FBF1: variants seen among roughly 807,000 people sequenced by gnomAD.
FBF1 encodes Fas binding factor 1, also known as fas-binding factor 1.
In FBF1, 119 loss-of-function variants were observed where a neutral mutation model predicts 147.2. The observed-to-expected ratio is 0.81, with a 90% confidence interval of 0.70 to 0.94. FBF1 has a LOEUF of 0.94. Among genes scored for constraint, FBF1 ranks in the 40% least tolerant of loss-of-function variants. The pLI, the probability that FBF1 is intolerant of heterozygous loss-of-function variation, is 0.00. For missense variants in FBF1, 1,449 were observed against 1,500.8 expected (o/e 0.97, Z 0.57); for synonymous variants, 601 against 609.0 (o/e 0.99, Z 0.19).
In FBF1 at chr17:75,930,089, A is replaced by G. The variant is rs199577489; in HGVS notation, c.229-42T>C. ...GGTGAGGACACAGATGAGGAGGCAC[A>G]TTAGTCAAGGCCCAATAAAACTCAG... On this transcript the variant is annotated intron_variant, in intron 6 of 29. Transcript: ENST00000636174. The G allele has an allele frequency of 1.0e-5, 15 of 1,482,990 alleles. No homozygotes were observed. In the African/African-American group the frequency reaches 2.0e-4, roughly 19 times the overall value. 91.9% of individuals were successfully genotyped at this position (1,482,990 alleles called of 1,614,324 possible). A position where few individuals can be genotyped will look rare whatever the true frequency, so the allele number is the denominator to read the frequency against.
At chr17:75,931,382 C>T (rs902398274) in intron 5 of FBF1, 93 bp from the exon 6 acceptor site, 9 of 1,097,022 alleles carry the variant, frequency 8.2e-6, no homozygotes, top group Admixed American at 2.1e-5. Flanking sequence ...CAAGGAATCT[C>T]GGATAGGTCT....
chr17:75,913,134 T>C (rs2065465420), intron 28 of FBF1, among the ~76,000 whole-genome samples: 1 of 150,814 alleles, frequency 6.6e-6, no homozygotes, highest in African/African-American at 2.4e-5. Context: ...AGGAGTGGCG[T>C]TGAGGGTGAC....
intron 4 of FBF1, 44 bp from the exon 5 acceptor site, chr17:75,933,132 A>G: frequency 6.8e-7 from 1 of 1,471,062 alleles, no homozygotes. Context: ...AACTAAAGGT[A>G]CCTGGAGTCA....
rs1286047603 is a variant in FBF1 at position 75,938,253 on chromosome 17, G to A, written c.-83-21C>T. On this transcript the variant is annotated intron_variant, in intron 1 of 29. Transcript: ENST00000636174. ...ACTCCCTAATGAAGAAAATTAAAGT[G>A]GTTGCTTAAAAATGATGTAGCTTTG... 10 of 1,540,146 alleles carry A rather than the reference G, an allele frequency of 6.5e-6. No individual in the cohort carries two copies. In the East Asian group the frequency reaches 1.6e-4, roughly 25 times the overall value.
chr17:75,940,425 A>C (rs1056897021), intron 1 of FBF1, among the ~76,000 whole-genome samples: 1 of 151,032 alleles, frequency 6.6e-6, no homozygotes, highest in Admixed American at 6.6e-5. Context: ...GCAAATTTTA[A>C]AATTTTTTTT....
At position 75,917,798 on chromosome 17, in the gene FBF1, GC is replaced by G; in HGVS notation, c.2438del (p.Ser813ThrfsTer14). ...TCTTCCCGATGACCTCCTGTTGCCG[GC>G]TCCGCTCCTCCTCCATGTCCCGCTG... ...QQQRDMEEERSRQQEVIGKME... is the reference protein window; with the variant it reads ...QQQRDMEEERXRQQEVIGKME... On this transcript the variant is annotated frameshift_variant, in exon 23 of 30. Coordinates refer to ENST00000636174, the MANE Select transcript of FBF1 (RefSeq NM_001319193.2). LOFTEE classifies it high-confidence loss of function. 1 of 1,610,266 alleles carries G rather than the reference GC, an allele frequency of 6.2e-7. No homozygotes were observed. Among genetic ancestry groups the G allele is most frequent in the Non-Finnish European group, 8.5e-7 (1 of 1,179,092 alleles).
intron 29 of FBF1, among the ~76,000 whole-genome samples, chr17:75,911,375 GTGCCTTGCTC>G (rs1399274153): frequency 2.0e-5 from 3 of 152,196 alleles, no homozygotes; most frequent in Non-Finnish European, 1.5e-5. Flanking sequence ...TTTGAGACAA[GTGCCTTGCTC>G]TGTCACCCAA....
chr17:75,925,308 C>G lies in FBF1; in HGVS notation c.968+39G>C, dbSNP rs1049256690. 2 of 1,550,590 alleles carry G rather than the reference C, an allele frequency of 1.3e-6. No individual in the cohort carries two copies. Among genetic ancestry groups the G allele is most frequent in the Non-Finnish European group, 1.8e-6 (2 of 1,132,478 alleles). Reference sequence around the variant, plus strand: ...GGGGCCTGTCTTCCCAGTGGCCGACCTGTCTCAAGAGGCCAAGCCTCCTGC... The same window carrying G: ...GGGGCCTGTCTTCCCAGTGGCCGACGTGTCTCAAGAGGCCAAGCCTCCTGC... On this transcript the variant is annotated intron_variant, in intron 13 of 29. Coordinates refer to ENST00000636174, the MANE Select transcript of FBF1 (RefSeq NM_001319193.2). The surrounding 1 kb of genome is among the most constrained non-coding windows in gnomAD (Gnocchi z 5.0).
Position 75,920,251 on chromosome 17 carries a change from C to T in FBF1, c.1830+23G>A, listed in dbSNP as rs540656242. On this transcript the variant is annotated intron_variant, in intron 18 of 29. Transcript: ENST00000636174. ...TCCTGTCGCAACCCTGCCACCAGCA[C>T]CAACGGCCCCGCTGCCCCTCACCTG... The T allele has an allele frequency of 5.0e-6, 8 of 1,602,716 alleles. No individual in the cohort carries two copies. In the South Asian group the frequency reaches 6.7e-5, roughly 13 times the overall value.
Position 75,919,828 on chromosome 17 carries a change from G to A in FBF1, c.1978C>T (p.Arg660Trp), listed in dbSNP as rs528278541. ...LETSYQQREE[R>W]LRRENEELSA... ...AGCTCTTCGTTCTCTCTCCGGAGCC[G>A]CTCCTCCCGTTGCTGGTACGATGTT... Residue 660 changes from arginine (R) to tryptophan (W), a missense_variant, in exon 20 of 30, where the codon CGG (arginine) becomes TGG (tryptophan). Transcript: ENST00000636174. This position sits in a 1 kb window ranked among gnomAD's most constrained non-coding sequence, Gnocchi z 5.0. The A allele has an allele frequency of 2.8e-5, 45 of 1,613,808 alleles. No individual in the cohort carries two copies. Among genetic ancestry groups the A allele is most frequent in the African/African-American group, 6.7e-5 (5 of 75,058 alleles).
chr17:75,915,773 C>T (rs1309522596), intron 23 of FBF1, among the ~76,000 whole-genome samples: 1 of 152,130 alleles, frequency 6.6e-6, no homozygotes, highest in Non-Finnish European at 1.5e-5. Context: ...CTTTGGGAGG[C>T]TGAGACGGGT....
At chr17:75,929,945 A>AGGGGGGGCC in intron 7 of FBF1, 52 bp downstream of exon 7, 2 of 650,908 alleles carry the variant, frequency 3.1e-6, no homozygotes, top group Non-Finnish European at 5.6e-6. Context: ...AAATATCATG[A>AGGGGGGGCC]CCCCACCCCA....
In FBF1 at chr17:75,912,324, G is replaced by A; in HGVS notation, c.3248-17C>T. On this transcript the variant is annotated splice_polypyrimidine_tract_variant and intron_variant, in intron 28 of 29. Coordinates refer to ENST00000636174, the MANE Select transcript of FBF1 (RefSeq NM_001319193.2). ...GCATGAGGGCTGAAAAGGCCAAGGAGGAAGTCAGGGACCAAAGTGTTGGTG... is the reference window on the plus strand; with the variant it reads ...GCATGAGGGCTGAAAAGGCCAAGGAAGAAGTCAGGGACCAAAGTGTTGGTG... 1 of 1,550,106 alleles carries A rather than the reference G, an allele frequency of 6.5e-7. No homozygotes were observed. The highest frequency in any genetic ancestry group is 2.3e-5 in the East Asian group (1 of 43,430).
At chr17:75,935,833 G>A (rs1202743166) in intron 3 of FBF1, among the ~76,000 whole-genome samples, 160 bp from the exon 4 acceptor site, 1 of 152,142 alleles carries the variant, frequency 6.6e-6, no homozygotes. Context: ...ACAAGTTTCT[G>A]GCAACAAGTC....
rs747777671 is a variant in FBF1, at chr17:75,938,039, G to A, written c.3+108C>T. 5.3e-6 allele frequency: 8 copies of A among 1,521,840 alleles called. No homozygotes were observed. In the African/African-American group the frequency reaches 9.6e-5, roughly 18 times the overall value. 94.3% of individuals were successfully genotyped at this position (1,521,840 alleles called of 1,614,324 possible). A position where few individuals can be genotyped will look rare whatever the true frequency, so the allele number is the denominator to read the frequency against. On this transcript the variant is annotated intron_variant, in intron 2 of 29. Transcript: ENST00000636174. Reference sequence around the variant, plus strand: ...CACTCTTCTCCAGGGTCTCCATCCTGGTCCTTGCCGCCCAGCCCCCAGAGT... The same window carrying A: ...CACTCTTCTCCAGGGTCTCCATCCTAGTCCTTGCCGCCCAGCCCCCAGAGT...
rs778313571 is a variant in FBF1, at chr17:75,923,631, C to T, written c.979G>A (p.Ala327Thr). The T allele has an allele frequency of 1.2e-5, 20 of 1,601,852 alleles. No individual in the cohort carries two copies. Among genetic ancestry groups the T allele is most frequent in the South Asian group, 3.4e-5 (3 of 89,140 alleles). The change falls in exon 14 of 30, where the codon GCA becomes ACA. Residue 327 changes from alanine to threonine, a missense_variant. Transcript: ENST00000636174. The surrounding 1 kb of genome is among the most constrained non-coding windows in gnomAD (Gnocchi z 4.1). The part of the protein sequence containing the change: ...SRRQSVSRFF[A>T]DSGADPKGEP... ...CCCTTGGGGTCTGCGCCACTGTCTG[C>T]GAAGAACCTACTTCAAGACAGAAAG...
In FBF1 at chr17:75,941,035, A is replaced by G. The variant is rs2065661453; in HGVS notation, c.-271T>C. The G allele has an allele frequency of 6.6e-6, 1 of 152,266 alleles. No individual in the cohort carries two copies. The highest frequency in any genetic ancestry group is 1.5e-5 in the Non-Finnish European group (1 of 68,080). 9.4% of individuals were successfully genotyped at this position (152,266 alleles called of 1,614,324 possible). On this transcript the variant is annotated 5_prime_UTR_variant, in exon 1 of 30. Transcript: ENST00000636174. Reference sequence around the variant, plus strand: ...GCTTCCAGCCGCTGCCGGCACCCTCAGCCGTCTGGCCTCCCGCGGAAAGGC... The same window carrying G: ...GCTTCCAGCCGCTGCCGGCACCCTCGGCCGTCTGGCCTCCCGCGGAAAGGC...
intron 2 of FBF1, 184 bp from the exon 3 acceptor site, chr17:75,937,777 T>C: frequency 1.4e-6 from 1 of 709,802 alleles, no homozygotes; most frequent in South Asian, 1.7e-5. Flanking sequence ...ATTCAGAGCG[T>C]GGAAACAGCC....
At chr17:75,916,097 C>T (rs1248478470) in intron 23 of FBF1, among the ~76,000 whole-genome samples, 1 of 148,478 alleles carries the variant, frequency 6.7e-6, no homozygotes, top group Non-Finnish European at 1.5e-5. Flanking sequence ...AAGTGGGCAG[C>T]TTGTCTGAGC....
Sources: gnomAD v4.1 joint callset for allele counts (sites outside exome capture counted in the v4.1 genomes callset) on GRCh38, gnomAD v4.1.1 for gene constraint, Gnocchi (gnomAD v3.1) non-coding constraint, MANE v1.5 for transcripts, NCBI Gene and HGNC (gene_info 2026-07-23, HGNC 2026-07-21) for gene names.